The following STAT4 variants were observed in gnomAD, a reference collection of about 807,000 sequenced individuals.
STAT4 encodes the protein signal transducer and activator of transcription 4.
STAT4 carries 42 observed loss-of-function variants against 110.5 expected under a neutral mutation model. The observed-to-expected ratio is 0.38, with a 90% CI of 0.30 to 0.49. The LOEUF (loss-of-function observed/expected upper bound fraction) is 0.49, where lower values mean the gene tolerates loss of function less well. STAT4 is among the 20% of genes least tolerant of loss of function. The pLI is 0.95. For synonymous variants in STAT4, 284 were observed against 302.2 expected (o/e 0.94, Z 0.63); for missense variants, 632 against 887.9 (o/e 0.71, Z 3.66).
rs749827490 is a variant in STAT4 at position 191,083,274 on chromosome 2, C to T, written c.274-6949G>A. 6.6e-6 allele frequency among the ~76,000 whole-genome samples: 1 copy of T among 152,160 alleles called. No homozygotes were observed. Among genetic ancestry groups the T allele is most frequent in the Non-Finnish European group, 1.5e-5 (1 of 68,026 alleles). On this transcript the variant is annotated intron_variant, in intron 3 of 23. Transcript: ENST00000392320. The surrounding 1 kb of genome is among the most constrained non-coding windows in gnomAD (Gnocchi z 4.6). ...GTAAGGGTGTGCTGTTAGCCATTTG[C>T]TAAGATGGGCTGAGAACCCTTGAAG...
chr2:191,111,983 G>A (rs941918309), intron 3 of STAT4, among the ~76,000 whole-genome samples: 5 of 152,174 alleles, frequency 3.3e-5, no homozygotes, highest in Non-Finnish European at 4.4e-5. Flanking sequence ...GGCAGAGCAC[G>A]GAGAGGTAGG....
chr2:191,070,062 CT>C (rs939802148), intron 5 of STAT4, among the ~76,000 whole-genome samples: 1 of 152,096 alleles, frequency 6.6e-6, no homozygotes, highest in Admixed American at 6.6e-5. Context: ...TGCATATAAT[CT>C]TTTTTTAATT....
Position 191,091,328 on chromosome 2 carries a change from A to T in STAT4, c.274-15003T>A, listed in dbSNP as rs1052827061. Among the ~76,000 whole-genome samples, 2 of 152,196 alleles carry T rather than the reference A, an allele frequency of 1.3e-5. No individual in the cohort carries two copies. The highest frequency in any genetic ancestry group is 4.8e-5 in the African/African-American group (2 of 41,460). ...AATAAGAAATAGAAAATAGATTCAA[A>T]ATAAGAAAAATAATTTAAAAAACAG... On this transcript the variant is annotated intron_variant, in intron 3 of 23. Transcript: ENST00000392320. The surrounding 1 kb of genome is among the most constrained non-coding windows in gnomAD (Gnocchi z 5.4).
chr2:191,066,457 C>T lies in STAT4; in HGVS notation c.603G>A (p.Met201Ile), dbSNP rs773619472. 6.2e-7 allele frequency: 1 copy of T among 1,613,446 alleles called. No homozygotes were observed. Residue 201 changes from methionine to isoleucine, a missense_variant, in exon 7 of 24, where the codon ATG becomes ATA. Met to Ile is a conservative substitution (Grantham distance 10). Coordinates refer to ENST00000392320, the MANE Select transcript of STAT4 (RefSeq NM_003151.4). This position sits in a 1 kb window ranked among gnomAD's most constrained non-coding sequence, Gnocchi z 4.3. Reference sequence around the variant, plus strand: ...TTCTCTTGAAATCGAGGCTGTTAAGCATTTCCTGCAGTGTCAAAACTTCCT... The same window carrying T: ...TTCTCTTGAAATCGAGGCTGTTAAGTATTTCCTGCAGTGTCAAAACTTCCT... The part of the protein sequence containing the change: ...VNQEVLTLQE[M>I]LNSLDFKRKE...
In STAT4 at chr2:191,036,016, CACTT is replaced by C. The variant is rs1055759461; in HGVS notation, c.1570+144_1570+147del. 8 of 990,354 alleles carry C rather than the reference CACTT, an allele frequency of 8.1e-6. No individual in the cohort carries two copies. In the African/African-American group the frequency reaches 9.9e-5, roughly 12 times the overall value. 61.3% of individuals were successfully genotyped at this position (990,354 alleles called of 1,614,324 possible). A position where few individuals can be genotyped will look rare whatever the true frequency, so the allele number is the denominator to read the frequency against. ...TTCCTGAGAATTAAAAATAATATAA[CACTT>C]AGTTCTGTGCCTGGCAATATAGTAG... On this transcript the variant is annotated intron_variant, in intron 17 of 23. Transcript: ENST00000392320.
chr2:191,148,338 G>T, intron 1 of STAT4, 134 bp from the exon 2 acceptor site: 2 of 1,177,978 alleles, frequency 1.7e-6, no homozygotes, highest in East Asian at 2.7e-5. Context: ...ATTTCACTAA[G>T]GTTTTTTTTC....
chr2:191,061,855 A>T lies in STAT4; in HGVS notation c.942-34T>A. 6.3e-7 allele frequency: 1 copy of T among 1,587,514 alleles called. No individual in the cohort carries two copies. Among genetic ancestry groups the T allele is most frequent in the Non-Finnish European group, 8.6e-7 (1 of 1,159,224 alleles). ...AAAGGAAATAAAGCGCATCATTTGA[A>T]AACACTGAAAATATTGAGACTGAAA... On this transcript the variant is annotated intron_variant, in intron 9 of 23. Coordinates refer to ENST00000392320, the MANE Select transcript of STAT4 (RefSeq NM_003151.4). The surrounding 1 kb of genome is among the most constrained non-coding windows in gnomAD (Gnocchi z 6.2).
chr2:191,124,524 A>G (rs10931483), intron 3 of STAT4, among the ~76,000 whole-genome samples: 91,595 of 150,674 alleles, frequency 0.61, 28,616 homozygotes, highest in South Asian at 0.78. Flanking sequence ...GCAGTGGAAA[A>G]CAAAGATGAA....
chr2:191,042,866 G>A lies in STAT4; in HGVS notation c.1252-1718C>T, dbSNP rs530631743. ...ACAATCTCGGCTCACTGCAACCTCC[G>A]CCTCCTGGGTCCAAGTGATTCTCCT... On this transcript the variant is annotated intron_variant, in intron 14 of 23. Transcript: ENST00000392320. This position sits in a 1 kb window ranked among gnomAD's most constrained non-coding sequence, Gnocchi z 4.2. Among the ~76,000 whole-genome samples the A allele has an allele frequency of 1.5e-4, 22 of 151,304 alleles. No individual in the cohort carries two copies. The highest frequency in any genetic ancestry group is 1.9e-4 in the East Asian group (1 of 5,138).
Position 191,107,095 on chromosome 2 carries a change from G to A in STAT4, c.274-30770C>T, listed in dbSNP as rs896618985. Among the ~76,000 whole-genome samples, 43 of 152,284 alleles carry A rather than the reference G, an allele frequency of 2.8e-4. No individual in the cohort carries two copies. The highest frequency in any genetic ancestry group is 4.8e-5 in the African/African-American group (2 of 41,550). Reference sequence around the variant, plus strand: ...GTCAGCAGTAGAAACGTATGGTTGCGTGAAATGAAATATAGATGTTTCTTA... The same window carrying A: ...GTCAGCAGTAGAAACGTATGGTTGCATGAAATGAAATATAGATGTTTCTTA... On this transcript the variant is annotated intron_variant, in intron 3 of 23. Transcript: ENST00000392320. The surrounding 1 kb of genome is among the most constrained non-coding windows in gnomAD (Gnocchi z 4.2).
chr2:191,039,217 C>T lies in STAT4; in HGVS notation c.1416G>A (p.Val472=), dbSNP rs1363905161. The T allele has an allele frequency of 1.4e-5, 23 of 1,614,154 alleles. No homozygotes were observed. Among genetic ancestry groups the T allele is most frequent in the Non-Finnish European group, 1.9e-5 (22 of 1,179,994 alleles). The change falls in exon 16 of 24, where the codon GTG becomes GTA. Residue 472 remains valine (V), a synonymous_variant. Coordinates refer to ENST00000392320, the MANE Select transcript of STAT4 (RefSeq NM_003151.4). This position sits in a 1 kb window ranked among gnomAD's most constrained non-coding sequence, Gnocchi z 4.7. ...AGTCTACCTGGGAATCGTTGGTTGA[C>T]ACGTTGTACCAAATGATGGATGCCC... is the stretch of plus-strand genomic sequence containing the variant. ...NAWASIIWYN[V]STNDSQNLVF...
At chr2:191,079,235 T>TCACACACACACACGCACACACACA (rs147894714) in intron 3 of STAT4, among the ~76,000 whole-genome samples, 1 of 151,080 alleles carries the variant, frequency 6.6e-6, no homozygotes, top group Non-Finnish European at 1.5e-5. Flanking sequence ...ACTTGTCAAG[T>TCACACACACACACGCACACACACA]CACGCACACA....
intron 3 of STAT4, among the ~76,000 whole-genome samples, chr2:191,136,024 C>CAAAAAAAAAAAAAAAAAAAA (rs1699173501): frequency 2.3e-5 from 1 of 43,722 alleles, no homozygotes; most frequent in Non-Finnish European, 5.5e-5. Flanking sequence ...AAAAAAAAAC[C>CAAAAAAAAAAAAAAAAAAAA]AAAAAACAAA....
At position 191,090,887 on chromosome 2, in the gene STAT4, G is replaced by A. The variant is rs1387353939; in HGVS notation, c.274-14562C>T. Among the ~76,000 whole-genome samples the A allele has an allele frequency of 3.9e-5, 6 of 152,052 alleles. No homozygotes were observed. The highest frequency in any genetic ancestry group is 1.3e-4 in the Admixed American group (2 of 15,272). On this transcript the variant is annotated intron_variant, in intron 3 of 23. Transcript: ENST00000392320. The surrounding 1 kb of genome is among the most constrained non-coding windows in gnomAD (Gnocchi z 4.2). ...ATTACAGGCGTGAGCCACCATACCCGGCCTTAAACTACTTCTTAAAGGTAT... is the reference window on the plus strand; with the variant it reads ...ATTACAGGCGTGAGCCACCATACCCAGCCTTAAACTACTTCTTAAAGGTAT...
chr2:191,116,716 C>A lies in STAT4; in HGVS notation c.273+29897G>T, dbSNP rs535777598. On this transcript the variant is annotated intron_variant, in intron 3 of 23. Transcript: ENST00000392320. This position sits in a 1 kb window ranked among gnomAD's most constrained non-coding sequence, Gnocchi z 4.1. ...GTCCTCTTTGGTTCATCACATACCT[C>A]ATGGGCAGGAGACACCTCTGTCTTA... 3.9e-5 allele frequency among the ~76,000 whole-genome samples: 6 copies of A among 152,258 alleles called. No individual in the cohort carries two copies. The highest frequency in any genetic ancestry group is 6.5e-5 in the Admixed American group (1 of 15,280).
At chr2:191,048,927 T>G (rs1024433910) in intron 14 of STAT4, among the ~76,000 whole-genome samples, 5 of 151,420 alleles carry the variant, frequency 3.3e-5, no homozygotes, top group Admixed American at 6.6e-5. Context: ...TCACATTATA[T>G]GACACTGAAT....
intron 3 of STAT4, among the ~76,000 whole-genome samples, chr2:191,120,392 G>A (rs1019963778): frequency 2.6e-5 from 4 of 151,900 alleles, no homozygotes; most frequent in Non-Finnish European, 4.4e-5. Flanking sequence ...GGCAACATAC[G>A]GAGACTCTGC....
chr2:191,033,055 C>G lies in STAT4; in HGVS notation c.1947G>C (p.Met649Ile). Residue 649 changes from methionine to isoleucine, a missense_variant, in exon 21 of 24, where the codon ATG (methionine) becomes ATC (isoleucine). Around this residue, in one of 4 missense-constraint regions of STAT4, gnomAD observed 74 missense variants for 154.3 expected, o/e 0.48. Coordinates refer to ENST00000392320, the MANE Select transcript of STAT4 (RefSeq NM_003151.4). The surrounding 1 kb of genome is among the most constrained non-coding windows in gnomAD (Gnocchi z 6.9). ...ADILRDYKVIMAENIPENPLK... is the reference protein window; with the variant it reads ...ADILRDYKVIIAENIPENPLK... Reference sequence around the variant, plus strand: ...GAGGGTTTTCAGGAATGTTTTCAGCCATAATAACTTTGTAGTCTCGCAGGA... The same window carrying G: ...GAGGGTTTTCAGGAATGTTTTCAGCGATAATAACTTTGTAGTCTCGCAGGA... 6.2e-7 allele frequency: 1 copy of G among 1,614,166 alleles called. No individual in the cohort carries two copies. The highest frequency in any genetic ancestry group is 8.5e-7 in the Non-Finnish European group (1 of 1,180,046).
At position 191,077,451 on chromosome 2, in the gene STAT4, A is replaced by G. The variant is rs1181012211; in HGVS notation, c.274-1126T>C. 1.3e-5 allele frequency among the ~76,000 whole-genome samples: 2 copies of G among 152,212 alleles called. No individual in the cohort carries two copies. The highest frequency in any genetic ancestry group is 2.9e-5 in the Non-Finnish European group (2 of 68,034). ...CCAGGGCAGGATTAACAGGAAGCAC[A>G]GTAGAAAAATGCATTTATTTAGTTT... On this transcript the variant is annotated intron_variant, in intron 3 of 23. Transcript: ENST00000392320. This position sits in a 1 kb window ranked among gnomAD's most constrained non-coding sequence, Gnocchi z 4.1.
Sources: gnomAD v4.1 joint callset for allele counts (sites outside exome capture counted in the v4.1 genomes callset) on GRCh38, gnomAD v4.1.1 for gene constraint, gnomAD v4.1.1 regional missense constraint, Gnocchi (gnomAD v3.1) non-coding constraint, MANE v1.5 for transcripts, NCBI Gene and HGNC (gene_info 2026-07-23, HGNC 2026-07-21) for gene names.